Variants in PRKAR2B observed in about 807,000 individuals in gnomAD.
The protein encoded by PRKAR2B is protein kinase cAMP-dependent type II regulatory subunit beta, also known as cAMP-dependent protein kinase type II-beta regulatory subunit.
In PRKAR2B, 14 loss-of-function variants were observed where a neutral mutation model predicts 49.9. That is an observed-to-expected ratio of 0.28 (90% CI 0.19 to 0.44). The LOEUF is 0.44. Among genes scored for constraint, PRKAR2B ranks in the 20% least tolerant of loss-of-function variants. The pLI, the probability that PRKAR2B is intolerant of heterozygous loss-of-function variation, is 1.00. For missense variants in PRKAR2B, 393 were observed against 537.9 expected (o/e 0.73, Z 2.67); for synonymous variants, 196 against 197.7 (o/e 0.99, Z 0.07).
At chr7:107,115,411 A>G (rs1795255140) in intron 2 of PRKAR2B, among the ~76,000 whole-genome samples, 1 of 152,188 alleles carries the variant, frequency 6.6e-6, no homozygotes, top group South Asian at 2.1e-4. Context: ...AGATATATTT[A>G]TATTGCGTTT....
chr7:107,052,905 A>T (rs1341778807), intron 1 of PRKAR2B, among the ~76,000 whole-genome samples: 1 of 152,192 alleles, frequency 6.6e-6, no homozygotes, highest in African/African-American at 2.4e-5. Flanking sequence ...ATCTTGGCTC[A>T]CTGCAGCCTC....
intron 5 of PRKAR2B, among the ~76,000 whole-genome samples, chr7:107,144,185 A>G (rs10274537): frequency 0.018 from 2,775 of 151,896 alleles, 85 homozygotes; most frequent in African/African-American, 0.063. Context: ...TCCTGGGTTC[A>G]GGTGATTCTT....
At chr7:107,054,246 C>T (rs1220714723) in intron 1 of PRKAR2B, among the ~76,000 whole-genome samples, 2 of 151,922 alleles carry the variant, frequency 1.3e-5, no homozygotes, top group African/African-American at 2.4e-5. Flanking sequence ...CCCAGCTACT[C>T]GGGAGGCTGA....
At chr7:107,148,536 C>T (rs1489581042) in intron 6 of PRKAR2B, among the ~76,000 whole-genome samples, 1 of 152,094 alleles carries the variant, frequency 6.6e-6, no homozygotes, top group East Asian at 1.9e-4. Context: ...TTGTGATAAT[C>T]CTCCTGACAT....
intron 4 of PRKAR2B, among the ~76,000 whole-genome samples, chr7:107,131,046 C>T (rs1311380998): frequency 2.6e-5 from 4 of 152,116 alleles, no homozygotes; most frequent in African/African-American, 9.7e-5. Flanking sequence ...CACAAGCTCC[C>T]AGGTAATGTT....
intron 3 of PRKAR2B, among the ~76,000 whole-genome samples, chr7:107,126,012 A>G (rs71566714): frequency 0.081 from 11,516 of 142,578 alleles, 617 homozygotes; most frequent in Non-Finnish European, 0.12. Flanking sequence ...GCTTGAACCC[A>G]GGAGGCAAAG....
chr7:107,054,259 C>CA (rs1360871925), intron 1 of PRKAR2B, among the ~76,000 whole-genome samples: 1 of 152,148 alleles, frequency 6.6e-6, no homozygotes, highest in Non-Finnish European at 1.5e-5. Flanking sequence ...GAGGCTGAGG[C>CA]AGGAGAATGG....
intron 1 of PRKAR2B, among the ~76,000 whole-genome samples, chr7:107,050,218 A>G (rs1456621508): frequency 6.6e-6 from 1 of 152,036 alleles, no homozygotes; most frequent in African/African-American, 2.4e-5. Flanking sequence ...TGAGTAACTT[A>G]CACTTTGAAG....
intron 4 of PRKAR2B, among the ~76,000 whole-genome samples, chr7:107,130,215 C>T (rs944182208): frequency 5.9e-5 from 9 of 152,178 alleles, no homozygotes; most frequent in Middle Eastern, 6.8e-3. Flanking sequence ...AAAAGTTATG[C>T]CGGGCCGGGC....
chr7:107,072,080 AT>A (rs901253306), intron 2 of PRKAR2B, among the ~76,000 whole-genome samples: 18 of 145,748 alleles, frequency 1.2e-4, no homozygotes, highest in African/African-American at 3.9e-4. Context: ...AAAAAAAAAA[AT>A]AATAAAAAAT....
At chr7:107,145,933 G>T (rs1453231549) in intron 5 of PRKAR2B, among the ~76,000 whole-genome samples, 1 of 150,998 alleles carries the variant, frequency 6.6e-6, no homozygotes, top group Non-Finnish European at 1.5e-5. Context: ...TAGAGACAGG[G>T]TTTCACCATG....
chr7:107,103,396 G>C (rs557747305), intron 2 of PRKAR2B, among the ~76,000 whole-genome samples: 1 of 152,288 alleles, frequency 6.6e-6, no homozygotes, highest in African/African-American at 2.4e-5. Context: ...GGTTCTACCA[G>C]TTTTGCTGCA....
chr7:107,080,277 G>A (rs1316370271), intron 2 of PRKAR2B, among the ~76,000 whole-genome samples: 2 of 152,160 alleles, frequency 1.3e-5, no homozygotes, highest in African/African-American at 2.4e-5. Context: ...AAGTGGTACC[G>A]TCTAAGAGAA....
At chr7:107,056,890 C>T (rs1054570759) in intron 1 of PRKAR2B, among the ~76,000 whole-genome samples, 4 of 152,192 alleles carry the variant, frequency 2.6e-5, no homozygotes, top group African/African-American at 9.6e-5. Context: ...CATTTGAACA[C>T]TACAAAATGC....
intron 4 of PRKAR2B, among the ~76,000 whole-genome samples, chr7:107,133,025 A>G (rs1795630187): frequency 1.3e-5 from 2 of 152,212 alleles, no homozygotes; most frequent in South Asian, 4.1e-4. Flanking sequence ...CTCTTTCATT[A>G]ATGAAGAGTA....
At chr7:107,107,030 A>T (rs912400064) in intron 2 of PRKAR2B, among the ~76,000 whole-genome samples, 3 of 152,224 alleles carry the variant, frequency 2.0e-5, no homozygotes, top group African/African-American at 7.2e-5. Flanking sequence ...GTAAAATAGT[A>T]TCATAATGTA....
Position 107,146,517 on chromosome 7 carries a change from G to A in PRKAR2B, c.741+56G>A, listed in dbSNP as rs79934902. 6,270 of 1,540,480 alleles carry A rather than the reference G, an allele frequency of 4.1e-3. 204 individuals are homozygous for A. In the African/African-American group the frequency reaches 0.069, roughly 17 times the overall value. On this transcript the variant is annotated intron_variant, in intron 6 of 10. Coordinates refer to ENST00000265717, the MANE Select transcript of PRKAR2B (RefSeq NM_002736.3). ...TATGATTTGTAGCAATTGCTATGAC[G>A]GTGTTACAAATTGCCGCATGTAGTA...
At chr7:107,076,080 C>T (rs988210150) in intron 2 of PRKAR2B, among the ~76,000 whole-genome samples, 25 of 151,980 alleles carry the variant, frequency 1.6e-4, no homozygotes, top group Non-Finnish European at 2.8e-4. Flanking sequence ...GTTCAGTGAG[C>T]GCCTTTATCT....
intron 3 of PRKAR2B, among the ~76,000 whole-genome samples, chr7:107,126,593 A>G (rs181035776): frequency 6.6e-6 from 1 of 151,358 alleles, no homozygotes; most frequent in Non-Finnish European, 1.5e-5. Flanking sequence ...TGCCTGATGC[A>G]CTCTCCTCTC....
Sources: allele counts gnomAD v4.1 joint callset (sites outside exome capture counted in the v4.1 genomes callset), GRCh38; gene constraint gnomAD v4.1.1; transcripts MANE v1.5; gene names NCBI Gene and HGNC (gene_info 2026-07-23, HGNC 2026-07-21).